SAMD4A: variants seen among roughly 807,000 people sequenced by gnomAD.
The protein encoded by SAMD4A is sterile alpha motif domain containing 4A, also known as protein Smaug homolog 1.
SAMD4A carries 33 observed loss-of-function variants against 81.3 expected under a neutral mutation model. The observed-to-expected ratio is 0.41, with a 90% CI of 0.31 to 0.54. The LOEUF is 0.54. Among genes scored for constraint, SAMD4A ranks in the 20% least tolerant of loss-of-function variants. The probability of loss-of-function intolerance (pLI) is 0.37; values close to 1 mark genes in which losing one functional copy is unlikely to be tolerated. For missense variants in SAMD4A, 854 were observed against 951.1 expected (o/e 0.90, Z 1.34); for synonymous variants, 389 against 382.1 (o/e 1.02, Z -0.21).
At chr14:54,731,223 A>G (rs886672218) in intron 3 of SAMD4A, among the ~76,000 whole-genome samples, 4 of 152,322 alleles carry the variant, frequency 2.6e-5, no homozygotes, top group Non-Finnish European at 2.9e-5. Context: ...TCTTCTTTAG[A>G]CTTGATAAGT....
intron 5 of SAMD4A, among the ~76,000 whole-genome samples, chr14:54,750,914 A>C (rs2038086275): frequency 1.3e-5 from 2 of 152,260 alleles, no homozygotes; most frequent in African/African-American, 4.8e-5. Context: ...ATACGAATAC[A>C]GATAAAAAGC....
chr14:54,568,103 A>G lies in SAMD4A; in HGVS notation c.187A>G (p.Asn63Asp). The G allele has an allele frequency of 6.5e-7, 1 of 1,541,290 alleles. No individual in the cohort carries two copies. The highest frequency in any genetic ancestry group is 8.7e-7 in the Non-Finnish European group (1 of 1,152,330). Residue 63 changes from asparagine to aspartate, a missense_variant, in exon 2 of 13, where the codon AAC becomes GAC. Physicochemically the swap from Asn to Asp is conservative, Grantham distance 23 (BLOSUM62 1). Coordinates refer to ENST00000554335, the MANE Select transcript of SAMD4A (RefSeq NM_015589.6). ...GCTGCACGTCCTCGAACGCGAGGCC[A>G]ACAGCCCCGGTAAGTGTGCGGCGGC... The part of the protein sequence containing the change: ...AELHVLEREA[N>D]SPGIINQWQQ...
At chr14:54,765,295 G>A (rs2038506892) in intron 8 of SAMD4A, among the ~76,000 whole-genome samples, 1 of 152,140 alleles carries the variant, frequency 6.6e-6, no homozygotes, top group African/African-American at 2.4e-5. Flanking sequence ...ACCTAGGATG[G>A]TGAAGTCTTT....
chr14:54,784,275 G>A, intron 11 of SAMD4A: 2 of 1,312,056 alleles, frequency 1.5e-6, no homozygotes, highest in South Asian at 1.3e-5. Context: ...CCGCTGGAGG[G>A]TTCTGAGCAG....
intron 2 of SAMD4A, among the ~76,000 whole-genome samples, chr14:54,571,257 C>T (rs1291920004): frequency 6.6e-6 from 1 of 152,154 alleles, no homozygotes; most frequent in East Asian, 1.9e-4. Flanking sequence ...TTGAATCAGT[C>T]CCTATGGATT....
At chr14:54,734,594 CATTAA>C (rs1367338339) in intron 3 of SAMD4A, among the ~76,000 whole-genome samples, 2 of 152,132 alleles carry the variant, frequency 1.3e-5, no homozygotes. Flanking sequence ...CCTGTAAGTC[CATTAA>C]GTTAGGTAAA....
At chr14:54,630,701 G>C (rs1034242142) in intron 2 of SAMD4A, among the ~76,000 whole-genome samples, 2 of 152,072 alleles carry the variant, frequency 1.3e-5, no homozygotes, top group Admixed American at 1.3e-4. Context: ...CAGGCTTCTA[G>C]TGATAGGTTG....
At chr14:54,667,767 TC>T (rs1341291115) in intron 2 of SAMD4A, among the ~76,000 whole-genome samples, 1 of 152,210 alleles carries the variant, frequency 6.6e-6, no homozygotes, top group Admixed American at 6.5e-5. Context: ...TACTTTATTT[TC>T]TGGGTCCTGC....
At chr14:54,669,500 G>A (rs918948109) in intron 2 of SAMD4A, among the ~76,000 whole-genome samples, 2 of 144,372 alleles carry the variant, frequency 1.4e-5, no homozygotes, top group African/African-American at 5.3e-5. Flanking sequence ...TGTTGCCCAG[G>A]CTGGCTGGAG....
intron 9 of SAMD4A, among the ~76,000 whole-genome samples, chr14:54,770,984 G>T (rs904595227): frequency 6.6e-6 from 1 of 151,858 alleles, no homozygotes; most frequent in Non-Finnish European, 1.5e-5. Context: ...TTTAAAACAT[G>T]AGCAGATAAT....
At chr14:54,626,334 A>G (rs778304295) in intron 2 of SAMD4A, among the ~76,000 whole-genome samples, 2 of 152,168 alleles carry the variant, frequency 1.3e-5, no homozygotes, top group Non-Finnish European at 2.9e-5. Context: ...GTCAATTGAG[A>G]TGGTAATTAG....
At chr14:54,635,086 A>G (rs2035001634) in intron 2 of SAMD4A, among the ~76,000 whole-genome samples, 1 of 152,172 alleles carries the variant, frequency 6.6e-6, no homozygotes, top group Non-Finnish European at 1.5e-5. Flanking sequence ...ATAGTTCACA[A>G]ATCACTTTTA....
intron 2 of SAMD4A, among the ~76,000 whole-genome samples, chr14:54,633,611 G>A (rs1028221108): frequency 3.9e-5 from 6 of 151,990 alleles, no homozygotes; most frequent in Admixed American, 6.6e-5. Flanking sequence ...GGAGGAGGTG[G>A]AGCCTGCTGG....
At chr14:54,632,920 A>T (rs1226208540) in intron 2 of SAMD4A, among the ~76,000 whole-genome samples, 2 of 152,226 alleles carry the variant, frequency 1.3e-5, no homozygotes, top group Non-Finnish European at 2.9e-5. Context: ...GACCCTATTG[A>T]AGGATAGTGA....
Position 54,774,501 on chromosome 14 carries a change from C to T in SAMD4A, c.1716-433C>T, listed in dbSNP as rs146654798. Among the ~76,000 whole-genome samples the T allele has an allele frequency of 1.4e-4, 21 of 152,142 alleles. No individual in the cohort carries two copies. The East Asian group carries it at 3.9e-3, about 28-fold the overall frequency. ...GGAGGATCACTTGAGCTCAGGAGTTCCAGACCAGCCTGGGCAACATGGTAG... is the reference window on the plus strand; with the variant it reads ...GGAGGATCACTTGAGCTCAGGAGTTTCAGACCAGCCTGGGCAACATGGTAG... On this transcript the variant is annotated intron_variant, in intron 9 of 12. Transcript: ENST00000554335.
intron 2 of SAMD4A, among the ~76,000 whole-genome samples, chr14:54,614,183 A>C (rs2034435525): frequency 6.6e-6 from 1 of 152,234 alleles, no homozygotes; most frequent in African/African-American, 2.4e-5. Context: ...AAATTTAAAA[A>C]CTGTGGCTCT....
chr14:54,695,723 G>T (rs2036558491), intron 2 of SAMD4A, among the ~76,000 whole-genome samples: 1 of 152,110 alleles, frequency 6.6e-6, no homozygotes, highest in African/African-American at 2.4e-5. Flanking sequence ...GGGAGGCCAA[G>T]GCAGGTGGAT....
At chr14:54,722,670 A>T (rs1283845705) in intron 3 of SAMD4A, among the ~76,000 whole-genome samples, 1 of 152,190 alleles carries the variant, frequency 6.6e-6, no homozygotes, top group Non-Finnish European at 1.5e-5. Context: ...AACTGATAAA[A>T]TAGCAAGGGG....
intron 9 of SAMD4A, among the ~76,000 whole-genome samples, chr14:54,771,046 GTATA>G (rs2038690182): frequency 6.6e-6 from 1 of 152,146 alleles, no homozygotes; most frequent in African/African-American, 2.4e-5. Context: ...CTCGGTGCAT[GTATA>G]GAAGCTCTCT....
Sources: allele counts gnomAD v4.1 joint callset (sites outside exome capture counted in the v4.1 genomes callset), GRCh38; gene constraint gnomAD v4.1.1; transcripts MANE v1.5; gene names NCBI Gene and HGNC (gene_info 2026-07-23, HGNC 2026-07-21).